GABRG3: variants seen among roughly 807,000 people sequenced by gnomAD.
The protein encoded by GABRG3 is gamma-aminobutyric acid receptor subunit gamma-3.
GABRG3 carries 25 observed loss-of-function variants against 48.8 expected under a neutral mutation model. The ratio of observed to expected loss-of-function variants is 0.51; its 90% CI spans 0.37 to 0.72. The LOEUF (loss-of-function observed/expected upper bound fraction) is 0.72. GABRG3 is among the 30% of genes least tolerant of loss of function. GABRG3 has a pLI of 0.00. For missense variants in GABRG3, 394 were observed against 577.9 expected (o/e 0.68, Z 3.26); for synonymous variants, 227 against 217.6 (o/e 1.04, Z -0.38).
chr15:27,281,245 C>T (rs1891423816), intron 3 of GABRG3, among the ~76,000 whole-genome samples: 1 of 152,008 alleles, frequency 6.6e-6, no homozygotes, highest in Admixed American at 6.6e-5. Flanking sequence ...TGCATTCTAC[C>T]AATATCTTGT....
intron 2 of GABRG3, among the ~76,000 whole-genome samples, chr15:26,982,937 C>T (rs138163079): frequency 2.5e-3 from 387 of 152,286 alleles, no homozygotes; most frequent in Middle Eastern, 0.01. Flanking sequence ...CAAATTAGGA[C>T]TTGTCTGCCT....
intron 3 of GABRG3, among the ~76,000 whole-genome samples, chr15:27,252,906 A>G (rs1303112683): frequency 6.6e-6 from 1 of 152,196 alleles, no homozygotes; most frequent in Admixed American, 6.5e-5. Context: ...CTTTGTTGTA[A>G]TCTGGCCATG....
intron 2 of GABRG3, among the ~76,000 whole-genome samples, chr15:26,994,579 A>G (rs899045194): frequency 2.0e-5 from 3 of 151,904 alleles, no homozygotes; most frequent in African/African-American, 7.2e-5. Context: ...ATTATTATTT[A>G]TTGGTTCATC....
chr15:27,199,634 C>A (rs1888616614), intron 3 of GABRG3, among the ~76,000 whole-genome samples: 1 of 152,078 alleles, frequency 6.6e-6, no homozygotes, highest in Non-Finnish European at 1.5e-5. Flanking sequence ...CTCTCTTGCT[C>A]CCTCTCGCCA....
At chr15:27,015,079 T>C (rs964118572) in intron 2 of GABRG3, among the ~76,000 whole-genome samples, 4 of 152,224 alleles carry the variant, frequency 2.6e-5, no homozygotes, top group African/African-American at 7.2e-5. Context: ...AATACAAATA[T>C]AGTCACCCTT....
intron 3 of GABRG3, among the ~76,000 whole-genome samples, chr15:27,318,652 G>A (rs1893314770): frequency 1.3e-5 from 2 of 152,036 alleles, no homozygotes; most frequent in South Asian, 4.2e-4. Context: ...GTTTTGTTTT[G>A]TTTTTCCTGG....
intron 3 of GABRG3, among the ~76,000 whole-genome samples, chr15:27,136,312 A>G (rs1379473501): frequency 6.6e-6 from 1 of 152,228 alleles, no homozygotes; most frequent in East Asian, 1.9e-4. Context: ...ATAATGGCCA[A>G]CATGGAATGT....
intron 2 of GABRG3, among the ~76,000 whole-genome samples, chr15:26,997,428 A>G (rs1221912845): frequency 6.6e-6 from 1 of 152,168 alleles, no homozygotes; most frequent in Non-Finnish European, 1.5e-5. Context: ...AAAAACTTTG[A>G]CATTTGAAAA....
intron 3 of GABRG3, among the ~76,000 whole-genome samples, chr15:27,036,908 G>T (rs1438014333): frequency 6.6e-6 from 1 of 152,166 alleles, no homozygotes. Flanking sequence ...TAGAGTCATT[G>T]CAGATGTAAT....
intron 2 of GABRG3, among the ~76,000 whole-genome samples, chr15:27,015,281 G>A (rs1289962605): frequency 6.6e-6 from 1 of 151,908 alleles, no homozygotes; most frequent in Non-Finnish European, 1.5e-5. Context: ...TTACTGATAG[G>A]GAAGGACTTA....
intron 2 of GABRG3, among the ~76,000 whole-genome samples, chr15:26,991,358 C>T (rs964649152): frequency 6.6e-6 from 1 of 151,560 alleles, no homozygotes; most frequent in African/African-American, 2.4e-5. Context: ...TAATATGATT[C>T]GTTCAATTTT....
intron 5 of GABRG3, among the ~76,000 whole-genome samples, chr15:27,444,689 T>C (rs1475974879): frequency 1.3e-5 from 2 of 152,212 alleles, no homozygotes; most frequent in South Asian, 2.1e-4. Context: ...TTTGCTCCAC[T>C]TTGCTGTTTC....
At chr15:27,121,566 G>A (rs989478594) in intron 3 of GABRG3, among the ~76,000 whole-genome samples, 44 of 152,266 alleles carry the variant, frequency 2.9e-4, no homozygotes, top group African/African-American at 1.0e-3. Context: ...GGGCTGTTCA[G>A]CCAGCCACCA....
At chr15:27,057,327 C>G (rs1292609925) in intron 3 of GABRG3, among the ~76,000 whole-genome samples, 1 of 152,162 alleles carries the variant, frequency 6.6e-6, no homozygotes, top group Non-Finnish European at 1.5e-5. Flanking sequence ...GGATTAAAAC[C>G]ATTTCTGCTC....
chr15:26,974,141 C>T lies in GABRG3; in HGVS notation c.53+2553C>T, dbSNP rs946194364. Among the ~76,000 whole-genome samples the T allele has an allele frequency of 6.6e-6, 1 of 152,096 alleles. No individual in the cohort carries two copies. The highest frequency in any genetic ancestry group is 1.5e-5 in the Non-Finnish European group (1 of 68,010). On this transcript the variant is annotated intron_variant, in intron 1 of 9. Transcript: ENST00000615808. The surrounding 1 kb of genome is among the most constrained non-coding windows in gnomAD (Gnocchi z 4.3). ...GCCCAGGGACCTAGAGCATCTCGGCCTCACTCTGCCCACTGCCTACCCAAC... is the reference window on the plus strand; with the variant it reads ...GCCCAGGGACCTAGAGCATCTCGGCTTCACTCTGCCCACTGCCTACCCAAC...
chr15:27,080,968 GA>G (rs554208044), intron 3 of GABRG3, among the ~76,000 whole-genome samples: 366 of 152,296 alleles, frequency 2.4e-3, no homozygotes, highest in Non-Finnish European at 4.3e-3. Context: ...GAGGGGGACA[GA>G]GACCTCTCGG....
intron 2 of GABRG3, among the ~76,000 whole-genome samples, chr15:26,979,142 T>C (rs1180375019): frequency 6.6e-6 from 1 of 152,248 alleles, no homozygotes; most frequent in Non-Finnish European, 1.5e-5. Context: ...TAATTTCTAA[T>C]ATACATAAAT....
At chr15:26,997,375 A>G (rs1279302324) in intron 2 of GABRG3, among the ~76,000 whole-genome samples, 2 of 152,052 alleles carry the variant, frequency 1.3e-5, no homozygotes, top group Admixed American at 6.6e-5. Flanking sequence ...TTTCCTGTGT[A>G]TGAATCGTAC....
chr15:27,271,468 G>A (rs1891085785), intron 3 of GABRG3: 4 of 445,348 alleles, frequency 9.0e-6, no homozygotes, highest in South Asian at 6.3e-5. Context: ...CGCCCTCGGA[G>A]CTCAGGCCAT....
Sources: gnomAD v4.1 joint callset for allele counts (sites outside exome capture counted in the v4.1 genomes callset) on GRCh38, gnomAD v4.1.1 for gene constraint, Gnocchi (gnomAD v3.1) non-coding constraint, MANE v1.5 for transcripts, NCBI Gene and HGNC (gene_info 2026-07-23, HGNC 2026-07-21) for gene names.